Variants in SYNPO2 observed in about 807,000 individuals in gnomAD.
The protein encoded by SYNPO2 is synaptopodin 2.
SYNPO2 carries 56 observed loss-of-function variants against 85.0 expected under a neutral mutation model. The observed-to-expected ratio is 0.66, with a 90% CI of 0.53 to 0.82. SYNPO2 has a LOEUF of 0.82. SYNPO2 is among the 40% of genes least tolerant of loss of function. The pLI is 0.00. For missense variants in SYNPO2, 1,575 were observed against 1,534.2 expected (o/e 1.03, Z -0.44); for synonymous variants, 602 against 591.1 (o/e 1.02, Z -0.27).
In SYNPO2 at chr4:119,027,098, G is replaced by A; in HGVS notation, c.729G>A (p.Ser243=). ...ATGACAGGATTGTCCACATAAATTC[G>A]ATCCCTACTAATGAGAAAGCAGACC... ...LSHDRIVHIN[S]IPTNEKADPF... Residue 243 remains serine (S), a synonymous_variant, in exon 3 of 5, where the codon TCG becomes TCA. Transcript: ENST00000307142. 6.2e-7 allele frequency: 1 copy of A among 1,614,054 alleles called. No individual in the cohort carries two copies. Among genetic ancestry groups the A allele is most frequent in the Non-Finnish European group, 8.5e-7 (1 of 1,180,020 alleles).
rs546989207 is a variant in SYNPO2, at chr4:118,882,610, A to T, written c.12+31670A>T. On this transcript the variant is annotated intron_variant, in intron 1 of 4. Coordinates refer to the SYNPO2 transcript ENST00000610556. ...CTAAAATATGTGCTCTCTCTCTCTC[A>T]CACACACACACCCCACACACCTTTA... Among the ~76,000 whole-genome samples the T allele has an allele frequency of 1.5e-4, 22 of 151,714 alleles. No homozygotes were observed. The South Asian group carries it at 2.7e-3, about 19-fold the overall frequency.
intron 2 of SYNPO2, 98 bp from the exon 3 acceptor site, chr4:119,026,529 C>T: frequency 7.8e-7 from 1 of 1,280,472 alleles, no homozygotes; most frequent in Non-Finnish European, 1.1e-6. Context: ...AATATTTTGA[C>T]TATATCACAT....
rs987452390 is a variant in SYNPO2, at chr4:119,029,501, A to G, written c.1070-344A>G. 4.2e-4 allele frequency among the ~76,000 whole-genome samples: 64 copies of G among 152,134 alleles called. 4 individuals carry two copies. Among genetic ancestry groups the G allele is most frequent in the Non-Finnish European group, 1.5e-5 (1 of 68,010 alleles). ...TCAGAAAATATTATGTCTTTAAATT[A>G]TGTCCTTCTTAATTCTAATTTTATC... is the stretch of plus-strand genomic sequence containing the variant. On this transcript the variant is annotated intron_variant, in intron 3 of 4. Coordinates refer to ENST00000307142, the MANE Select transcript of SYNPO2 (RefSeq NM_133477.3).
chr4:119,035,071 A>G, intron 4 of SYNPO2: 4 of 985,428 alleles, frequency 4.1e-6, no homozygotes, highest in Non-Finnish European at 3.6e-6. Context: ...ACGAGTTCCT[A>G]TGTTATGTTA....
chr4:119,060,243 GA>G lies in SYNPO2; in HGVS notation c.*2310del, dbSNP rs1252657355. 2 of 152,088 alleles carry G rather than the reference GA, an allele frequency of 1.3e-5. No homozygotes were observed. Among genetic ancestry groups the G allele is most frequent in the Non-Finnish European group, 2.9e-5 (2 of 68,000 alleles). The allele number at this position is 152,088 out of a possible 1,614,324, so 9.4% of individuals were successfully genotyped here. ...GACTTCTCTCTCATTGCATGCACTA[GA>G]TCAATATTATCATCTGTATTAAGCT... is the stretch of plus-strand genomic sequence containing the variant. On this transcript the variant is annotated 3_prime_UTR_variant, in exon 5 of 5. Transcript: ENST00000307142.
chr4:118,900,723 A>C (rs1274663970), intron 1 of SYNPO2, among the ~76,000 whole-genome samples: 16 of 113,248 alleles, frequency 1.4e-4, no homozygotes, highest in East Asian at 2.7e-4. Context: ...ATATATATAT[A>C]TATATATATG....
At chr4:118,974,405 A>C (rs938629692) in intron 1 of SYNPO2, among the ~76,000 whole-genome samples, 3 of 152,274 alleles carry the variant, frequency 2.0e-5, no homozygotes, top group African/African-American at 7.2e-5. Flanking sequence ...GCAGAGGCCT[A>C]GACCCAGAAT....
chr4:118,929,642 A>ATCTTTTT lies in SYNPO2; in HGVS notation c.105+40501_105+40502insTCTTTTT, dbSNP rs1733853913. Among the ~76,000 whole-genome samples, 6 of 152,072 alleles carry ATCTTTTT rather than the reference A, an allele frequency of 3.9e-5. No individual in the cohort carries two copies. The South Asian group carries it at 8.3e-4, about 21-fold the overall frequency. On this transcript the variant is annotated intron_variant, in intron 1 of 4. Coordinates refer to ENST00000307142, the MANE Select transcript of SYNPO2 (RefSeq NM_133477.3). ...CCTCATTTTTTTTTGTTGTACAAATAGAGTCGCTCAATTATCTCCCAAGGC... is the reference window on the plus strand; with the variant it reads ...CCTCATTTTTTTTTGTTGTACAAATATCTTTTTGAGTCGCTCAATTATCTCCCAAGGC...
At chr4:118,919,144 C>A (rs1234548427) in intron 1 of SYNPO2, among the ~76,000 whole-genome samples, 1 of 152,080 alleles carries the variant, frequency 6.6e-6, no homozygotes, top group Non-Finnish European at 1.5e-5. Flanking sequence ...AATATTTAAT[C>A]AAAAAGGCTT....
chr4:119,049,141 A>C (rs531013458), intron 4 of SYNPO2, among the ~76,000 whole-genome samples: 1 of 152,252 alleles, frequency 6.6e-6, no homozygotes, highest in Non-Finnish European at 1.5e-5. Context: ...TCAGGTGTGG[A>C]GTGTGAGATG....
intron 1 of SYNPO2, among the ~76,000 whole-genome samples, chr4:118,908,873 A>G (rs1560851497): frequency 6.6e-6 from 1 of 152,190 alleles, no homozygotes; most frequent in Non-Finnish European, 1.5e-5. Context: ...TGTTTTTAAT[A>G]TAGTTTACAG....
intron 1 of SYNPO2, among the ~76,000 whole-genome samples, chr4:119,009,039 T>C (rs759503981): frequency 2.6e-5 from 4 of 152,214 alleles, no homozygotes; most frequent in Non-Finnish European, 5.9e-5. Flanking sequence ...ATGTTAAATT[T>C]TGTGATCAGG....
intron 1 of SYNPO2, among the ~76,000 whole-genome samples, chr4:118,858,919 A>C (rs1731558525): frequency 1.3e-5 from 2 of 152,308 alleles, no homozygotes; most frequent in South Asian, 2.1e-4. Context: ...TTTTATATCC[A>C]TCCTGCCCCC....
rs761241954 is a variant in SYNPO2, at chr4:119,026,841, G to C, written c.472G>C (p.Glu158Gln). The C allele has an allele frequency of 3.7e-6, 6 of 1,614,104 alleles. 1 individual carries two copies. The South Asian group carries it at 6.6e-5, about 18-fold the overall frequency. ...TCCCGACTGTGCAGGCAGCTTGAAA[G>C]AAGAAACAGGCCCGAGCTACCAAAG... Reference protein sequence around the residue: ...SGPDCAGSLKEETGPSYQRAP... With the variant: ...SGPDCAGSLKQETGPSYQRAP... The change falls in exon 3 of 5, where the codon GAA becomes CAA. Residue 158 changes from glutamate to glutamine, a missense_variant. Glu to Gln is a conservative substitution (Grantham distance 29). Around this residue, in one of 3 missense-constraint regions of SYNPO2, gnomAD observed 1,508 missense variants for 1,446.8 expected, o/e 1.04. Coordinates refer to ENST00000307142, the MANE Select transcript of SYNPO2 (RefSeq NM_133477.3).
At chr4:119,007,713 A>G (rs1033335439) in intron 1 of SYNPO2, among the ~76,000 whole-genome samples, 1 of 152,102 alleles carries the variant, frequency 6.6e-6, no homozygotes, top group African/African-American at 2.4e-5. Flanking sequence ...GTCATGCCAC[A>G]TTTCCTACAA....
intron 1 of SYNPO2, among the ~76,000 whole-genome samples, chr4:118,899,239 T>C (rs940152573): frequency 2.0e-5 from 3 of 152,336 alleles, no homozygotes; most frequent in Admixed American, 6.5e-5. Flanking sequence ...ATAGTATATA[T>C]GTACATGTAC....
chr4:118,911,373 G>A (rs1733130886), intron 1 of SYNPO2, among the ~76,000 whole-genome samples: 1 of 152,096 alleles, frequency 6.6e-6, no homozygotes, highest in African/African-American at 2.4e-5. Flanking sequence ...GAATTTCTCT[G>A]CTTCTCTCTT....
At chr4:118,973,225 GAATT>G (rs1273539141) in intron 1 of SYNPO2, among the ~76,000 whole-genome samples, 2 of 152,030 alleles carry the variant, frequency 1.3e-5, no homozygotes, top group Non-Finnish European at 2.9e-5. Context: ...ATCAATTATA[GAATT>G]ATTAATTCAA....
chr4:119,004,348 G>A (rs1379329342), intron 1 of SYNPO2, among the ~76,000 whole-genome samples: 2 of 151,428 alleles, frequency 1.3e-5, no homozygotes, highest in East Asian at 3.9e-4. Context: ...TTAGCATTAG[G>A]TATATCTCCT....
Sources: gnomAD v4.1 joint callset for allele counts (sites outside exome capture counted in the v4.1 genomes callset) on GRCh38, gnomAD v4.1.1 for gene constraint, gnomAD v4.1.1 regional missense constraint, MANE v1.5 for transcripts, NCBI Gene and HGNC (gene_info 2026-07-23, HGNC 2026-07-21) for gene names.